The following GAS7 variants were observed in gnomAD, a reference collection of about 807,000 sequenced individuals.
The protein encoded by GAS7 is growth arrest-specific protein 7.
Under a neutral mutation model 71.1 loss-of-function variants are expected in GAS7, and 28 were observed. That is an observed-to-expected ratio of 0.39 (90% CI 0.29 to 0.54). The LOEUF (loss-of-function observed/expected upper bound fraction) is 0.54. GAS7 is among the 20% of genes least tolerant of loss of function. The probability of loss-of-function intolerance (pLI) is 0.62; values close to 1 mark genes in which losing one functional copy is unlikely to be tolerated. For missense variants in GAS7, 436 were observed against 627.8 expected (o/e 0.69, Z 3.27); for synonymous variants, 258 against 245.8 (o/e 1.05, Z -0.46).
intron 2 of GAS7, among the ~76,000 whole-genome samples, chr17:10,005,268 T>TATGTATATGTATATACATGCATAC (rs2071475513): frequency 6.6e-6 from 1 of 151,476 alleles, no homozygotes; most frequent in Non-Finnish European, 1.5e-5. Flanking sequence ...CACATACATG[T>TATGTATATGTATATACATGCATAC]ATGTATATGT....
intron 1 of GAS7, among the ~76,000 whole-genome samples, chr17:10,176,890 C>A (rs775445072): frequency 6.6e-6 from 1 of 152,172 alleles, no homozygotes; most frequent in Non-Finnish European, 1.5e-5. Context: ...CAAAATCAGA[C>A]AAGATGTCCC....
intron 2 of GAS7, among the ~76,000 whole-genome samples, chr17:9,997,260 G>GGC (rs1555615074): frequency 2.7e-5 from 4 of 148,376 alleles, no homozygotes; most frequent in African/African-American, 1.0e-4. Context: ...GGGCGGGGGC[G>GGC]GTGGAAACAG....
At chr17:10,008,978 TG>T (rs2071646649) in intron 2 of GAS7, among the ~76,000 whole-genome samples, 2 of 152,274 alleles carry the variant, frequency 1.3e-5, no homozygotes, top group South Asian at 4.1e-4. Context: ...TCATTCTATT[TG>T]GGGAGTTAGA....
chr17:9,926,310 C>T lies in GAS7; in HGVS notation c.1014+331G>A, dbSNP rs528185965. Among the ~76,000 whole-genome samples the T allele has an allele frequency of 3.3e-5, 5 of 152,236 alleles. No homozygotes were observed. The highest frequency in any genetic ancestry group is 4.2e-4 in the South Asian group (2 of 4,814). Reference sequence around the variant, plus strand: ...GACTCAGCCAGGTGAGGCTTAAACACGGGGCCCCACGTGAACCAGCAGCAG... The same window carrying T: ...GACTCAGCCAGGTGAGGCTTAAACATGGGGCCCCACGTGAACCAGCAGCAG... On this transcript the variant is annotated intron_variant, in intron 10 of 13. Transcript: ENST00000432992. This position sits in a 1 kb window ranked among gnomAD's most constrained non-coding sequence, Gnocchi z 5.0.
At position 9,981,795 on chromosome 17, in the gene GAS7, G is replaced by A. The variant is rs754707863; in HGVS notation, c.385+9C>T. 44 of 1,519,222 alleles carry A rather than the reference G, an allele frequency of 2.9e-5. No individual in the cohort carries two copies. The highest frequency in any genetic ancestry group is 3.7e-5 in the Non-Finnish European group (40 of 1,093,624). The allele number at this position is 1,519,222 out of a possible 1,614,324, so 94.1% of individuals were successfully genotyped here. On this transcript the variant is annotated intron_variant, in intron 3 of 13. Coordinates refer to ENST00000432992, the MANE Select transcript of GAS7 (RefSeq NM_201433.2). This position sits in a 1 kb window ranked among gnomAD's most constrained non-coding sequence, Gnocchi z 4.4. ...TCCCAGTTGCCCCAAAGCAGACAGCGGACATTACCTGTTGGAGGCAGAGAG... is the reference window on the plus strand; with the variant it reads ...TCCCAGTTGCCCCAAAGCAGACAGCAGACATTACCTGTTGGAGGCAGAGAG...
chr17:10,069,025 C>A (rs2073312930), intron 1 of GAS7, among the ~76,000 whole-genome samples: 3 of 152,134 alleles, frequency 2.0e-5, no homozygotes, highest in Admixed American at 2.0e-4. Flanking sequence ...CCCTGCCTAG[C>A]ACAAACATGA....
At chr17:9,932,343 C>T (rs747725648) in intron 9 of GAS7, among the ~76,000 whole-genome samples, 11 of 151,968 alleles carry the variant, frequency 7.2e-5, no homozygotes, top group African/African-American at 2.2e-4. Flanking sequence ...TACAGGCATG[C>T]GCCACCAAGC....
chr17:10,176,044 T>C (rs796538620), intron 1 of GAS7, among the ~76,000 whole-genome samples: 57 of 152,328 alleles, frequency 3.7e-4, no homozygotes, highest in African/African-American at 1.3e-3. Context: ...CCCTGAGTCC[T>C]GTCCACTCCA....
intron 1 of GAS7, among the ~76,000 whole-genome samples, chr17:10,175,355 C>CA (rs1484889415): frequency 6.6e-6 from 1 of 151,832 alleles, no homozygotes; most frequent in Non-Finnish European, 1.5e-5. Flanking sequence ...GGGGCTGCCA[C>CA]AAAAAAGAAT....
Position 10,003,891 on chromosome 17 carries a change from C to T in GAS7, c.304+15886G>A, listed in dbSNP as rs553328333. ...ACACCTCTTGGATGAGTGCTACCTA[C>T]TTTGGAATCCAACTCAGAATGAAGT... On this transcript the variant is annotated intron_variant, in intron 2 of 13. Coordinates refer to ENST00000432992, the MANE Select transcript of GAS7 (RefSeq NM_201433.2). Among the ~76,000 whole-genome samples the T allele has an allele frequency of 3.0e-3, 456 of 152,338 alleles. 1 individual carries two copies. Among genetic ancestry groups the T allele is most frequent in the Non-Finnish European group, 4.7e-3 (318 of 68,032 alleles).
At chr17:10,090,378 T>C (rs2073569247) in intron 1 of GAS7, among the ~76,000 whole-genome samples, 1 of 152,220 alleles carries the variant, frequency 6.6e-6, no homozygotes, top group African/African-American at 2.4e-5. Flanking sequence ...AATGAGAGTA[T>C]GTGTTACAGG....
At chr17:10,133,116 T>TATATATATATATA (rs1319814933) in intron 1 of GAS7, among the ~76,000 whole-genome samples, 16 of 144,402 alleles carry the variant, frequency 1.1e-4, no homozygotes, top group African/African-American at 3.5e-4. Flanking sequence ...GATTATATAT[T>TATATATATATATA]TTTATATTTT....
intron 11 of GAS7, chr17:9,924,851 C>A (rs563831024): frequency 6.6e-6 from 1 of 152,246 alleles, no homozygotes; most frequent in African/African-American, 2.4e-5. Context: ...ATCTAGTTAC[C>A]GAGGTTTTCA....
At chr17:10,194,691 C>T (rs1043528769) in intron 1 of GAS7, among the ~76,000 whole-genome samples, 1 of 151,940 alleles carries the variant, frequency 6.6e-6, no homozygotes, top group Non-Finnish European at 1.5e-5. Flanking sequence ...AAAGACTTCT[C>T]GGCCGGGCAC....
rs577066395 is a variant in GAS7 at position 10,071,139 on chromosome 17, A to G, written c.184-51242T>C. Reference sequence around the variant, plus strand: ...AGAAGCCAGTTGGTGGGGTGTTCCCAGCCAGCAGGACCCCAAAAAACTCCA... The same window carrying G: ...AGAAGCCAGTTGGTGGGGTGTTCCCGGCCAGCAGGACCCCAAAAAACTCCA... On this transcript the variant is annotated intron_variant, in intron 1 of 13. Coordinates refer to ENST00000432992, the MANE Select transcript of GAS7 (RefSeq NM_201433.2). Among the ~76,000 whole-genome samples, 777 of 151,800 alleles carry G rather than the reference A, an allele frequency of 5.1e-3. 5 individuals carry two copies. Among genetic ancestry groups the G allele is most frequent in the South Asian group, 0.018 (84 of 4,800 alleles).
intron 5 of GAS7, among the ~76,000 whole-genome samples, chr17:9,948,450 C>T (rs763925252): frequency 6.6e-6 from 1 of 152,102 alleles, no homozygotes. Context: ...TTTGGGAGGC[C>T]GAGGCAGGTG....
intron 2 of GAS7, among the ~76,000 whole-genome samples, chr17:10,005,102 CAT>C (rs1567879422): frequency 4.0e-5 from 6 of 150,512 alleles, no homozygotes; most frequent in East Asian, 4.2e-4. Flanking sequence ...CGCATACATG[CAT>C]GTGTGTGCGT....
intron 1 of GAS7, among the ~76,000 whole-genome samples, chr17:10,185,949 ATTTTTTTTTTTTT>A (rs148937908): frequency 1.1e-5 from 1 of 92,532 alleles, no homozygotes. Flanking sequence ...ATCAGTCTGC[ATTTTTTTTTTTTT>A]TTTTTTTTTT....
chr17:10,068,313 C>T lies in GAS7; in HGVS notation c.184-48416G>A, dbSNP rs118076583. 7.6e-3 allele frequency among the ~76,000 whole-genome samples: 1,153 copies of T among 152,212 alleles called. 4 individuals carry two copies. The highest frequency in any genetic ancestry group is 0.017 in the Middle Eastern group (5 of 294). On this transcript the variant is annotated intron_variant, in intron 1 of 13. Coordinates refer to ENST00000432992, the MANE Select transcript of GAS7 (RefSeq NM_201433.2). The stretch of plus-strand genomic sequence containing the variant: ...GCTAGAAAGCCCCTGACCCATTGAA[C>T]CAGGATGACCCACTGACCCAGATGA...
Sources: gnomAD v4.1 joint callset for allele counts (sites outside exome capture counted in the v4.1 genomes callset) on GRCh38, gnomAD v4.1.1 for gene constraint, Gnocchi (gnomAD v3.1) non-coding constraint, MANE v1.5 for transcripts, NCBI Gene and HGNC (gene_info 2026-07-23, HGNC 2026-07-21) for gene names.